Variants in DPYD observed in about 807,000 individuals in gnomAD.
The protein encoded by DPYD is dihydropyrimidine dehydrogenase [NADP(+)].
In DPYD, 109 loss-of-function variants were observed where a neutral mutation model predicts 116.2. The ratio of observed to expected loss-of-function variants is 0.94; its 90% CI spans 0.80 to 1.10. DPYD has a LOEUF of 1.10. Among genes scored for constraint, DPYD ranks in the 50% least tolerant of loss-of-function variants. The pLI, the probability that DPYD is intolerant of heterozygous loss-of-function variation, is 0.00. For synonymous variants in DPYD, 440 were observed against 432.0 expected (o/e 1.02, Z -0.23); for missense variants, 1,302 against 1,254.5 (o/e 1.04, Z -0.57).
intron 20 of DPYD, among the ~76,000 whole-genome samples, chr1:97,100,763 A>G (rs1252329991): frequency 6.6e-6 from 1 of 152,098 alleles, no homozygotes; most frequent in African/African-American, 2.4e-5. Context: ...TTTAAACCAT[A>G]ATGATTTCAA....
In DPYD at chr1:97,882,015, T is replaced by TA. The variant is rs202041515; in HGVS notation, c.150+1248dup. Among the ~76,000 whole-genome samples the TA allele has an allele frequency of 7.1e-3, 1,068 of 150,730 alleles. 11 individuals carry two copies. The highest frequency in any genetic ancestry group is 0.025 in the African/African-American group (1,011 of 41,256). On this transcript the variant is annotated intron_variant, in intron 2 of 22. Coordinates refer to ENST00000370192, the MANE Select transcript of DPYD (RefSeq NM_000110.4). ...CCTAAAACTTAAAGTATAATAATAA[T>TA]AAAAAAAAGAAAAAAAACTATAATA...
chr1:97,149,657 T>C (rs535219344), intron 20 of DPYD, among the ~76,000 whole-genome samples: 3 of 152,320 alleles, frequency 2.0e-5, no homozygotes, highest in East Asian at 1.9e-4. Context: ...GGGGACCCAA[T>C]GAAAAGTAAA....
At chr1:97,629,842 G>A (rs1422160325) in intron 8 of DPYD, among the ~76,000 whole-genome samples, 2 of 151,972 alleles carry the variant, frequency 1.3e-5, no homozygotes, top group Non-Finnish European at 2.9e-5. Context: ...TGTAATGGGG[G>A]TAATGAAATT....
intron 12 of DPYD, among the ~76,000 whole-genome samples, chr1:97,537,503 G>A (rs545472729): frequency 1.3e-5 from 2 of 150,758 alleles, no homozygotes; most frequent in African/African-American, 4.9e-5. Context: ...ATAGCAGAAA[G>A]ACAAAATTCC....
At chr1:97,284,623 C>T in intron 18 of DPYD, among the ~76,000 whole-genome samples, 1 of 152,118 alleles carries the variant, frequency 6.6e-6, no homozygotes, top group Middle Eastern at 3.4e-3. Context: ...AGTTTTAGAT[C>T]AATTTCATTT....
intron 2 of DPYD, among the ~76,000 whole-genome samples, chr1:97,875,294 A>G (rs999212684): frequency 6.6e-6 from 1 of 152,014 alleles, no homozygotes; most frequent in African/African-American, 2.4e-5. Flanking sequence ...AGAAACCAAT[A>G]CAATATCTAG....
At chr1:97,337,144 T>C (rs1023991125) in intron 16 of DPYD, among the ~76,000 whole-genome samples, 4 of 152,100 alleles carry the variant, frequency 2.6e-5, no homozygotes, top group African/African-American at 7.2e-5. Context: ...ATCAAAGCAA[T>C]TTTTATCATG....
intron 18 of DPYD, among the ~76,000 whole-genome samples, chr1:97,292,916 A>G (rs1390817156): frequency 6.6e-6 from 1 of 152,220 alleles, no homozygotes; most frequent in East Asian, 1.9e-4. Flanking sequence ...TAATAGAGAA[A>G]TTCATAATTT....
intron 16 of DPYD, among the ~76,000 whole-genome samples, chr1:97,366,321 T>A (rs553376320): frequency 6.6e-6 from 1 of 152,322 alleles, no homozygotes; most frequent in African/African-American, 2.4e-5. Flanking sequence ...AAGTGGATAA[T>A]TTATTTTAAA....
chr1:97,341,898 A>G (rs778009318), intron 16 of DPYD, among the ~76,000 whole-genome samples: 100 of 152,328 alleles, frequency 6.6e-4, no homozygotes, highest in Non-Finnish European at 9.7e-4. Context: ...GAGAGAATTC[A>G]TAACACAGAA....
At chr1:97,580,006 G>A (rs896188312) in intron 10 of DPYD, among the ~76,000 whole-genome samples, 1 of 152,178 alleles carries the variant, frequency 6.6e-6, no homozygotes, top group African/African-American at 2.4e-5. Flanking sequence ...TTAACTTTAT[G>A]TAATGCGATG....
At chr1:97,452,799 T>A (rs1676490215) in intron 13 of DPYD, among the ~76,000 whole-genome samples, 1 of 152,078 alleles carries the variant, frequency 6.6e-6, no homozygotes, top group Non-Finnish European at 1.5e-5. Context: ...CTGCCTTGAT[T>A]GGAAGCTTTC....
intron 13 of DPYD, among the ~76,000 whole-genome samples, chr1:97,477,086 T>C (rs2101869435): frequency 1.3e-5 from 2 of 152,330 alleles, no homozygotes; most frequent in Non-Finnish European, 2.9e-5. Flanking sequence ...CCTGGCAATT[T>C]CTGTAAACAA....
At chr1:97,531,215 C>T (rs1299245816) in intron 12 of DPYD, among the ~76,000 whole-genome samples, 3 of 152,166 alleles carry the variant, frequency 2.0e-5, no homozygotes, top group South Asian at 2.1e-4. Context: ...AAGCTTTTCC[C>T]ATATGCTTCC....
At chr1:97,229,536 A>G (rs1661434599) in intron 19 of DPYD, among the ~76,000 whole-genome samples, 1 of 130,028 alleles carries the variant, frequency 7.7e-6, no homozygotes, top group Non-Finnish European at 1.6e-5. Context: ...CCACCTTATG[A>G]CCATCCTAAG....
intron 14 of DPYD, among the ~76,000 whole-genome samples, chr1:97,430,461 T>C (rs1260615867): frequency 6.6e-6 from 1 of 152,150 alleles, no homozygotes; most frequent in South Asian, 2.1e-4. Context: ...TTATGGCATA[T>C]GTCCTTTATT....
chr1:97,183,575 T>A (rs760711222), intron 20 of DPYD, among the ~76,000 whole-genome samples: 1 of 152,122 alleles, frequency 6.6e-6, no homozygotes, highest in Admixed American at 6.6e-5. Flanking sequence ...TTTTTCAAGA[T>A]TGTTTTGGCT....
intron 12 of DPYD, chr1:97,546,184 G>A: frequency 6.7e-7 from 1 of 1,492,704 alleles, no homozygotes. Flanking sequence ...GATGGGCAGG[G>A]TGAAACTAAC....
intron 13 of DPYD, among the ~76,000 whole-genome samples, chr1:97,499,670 G>A (rs1380590239): frequency 3.3e-5 from 5 of 151,654 alleles, no homozygotes; most frequent in Non-Finnish European, 5.9e-5. Context: ...TCAAAACAAA[G>A]GGAAATTTAT....
Sources: allele counts gnomAD v4.1 joint callset (sites outside exome capture counted in the v4.1 genomes callset), GRCh38; gene constraint gnomAD v4.1.1; transcripts MANE v1.5; gene names NCBI Gene and HGNC (gene_info 2026-07-23, HGNC 2026-07-21).